SEL1L2: variants seen among roughly 807,000 people sequenced by gnomAD.
SEL1L2 encodes the protein SEL1L2 adaptor subunit of SYVN1 ubiquitin ligase, also known as protein sel-1 homolog 2.
SEL1L2 carries 89 observed loss-of-function variants against 98.8 expected under a neutral mutation model. The observed-to-expected ratio is 0.90, with a 90% CI of 0.76 to 1.07. The LOEUF (loss-of-function observed/expected upper bound fraction) is 1.07. Among genes scored for constraint, SEL1L2 ranks in the 50% least tolerant of loss-of-function variants. SEL1L2 has a pLI of 0.00. For synonymous variants in SEL1L2, 262 were observed against 278.5 expected (o/e 0.94, Z 0.59); for missense variants, 788 against 812.0 (o/e 0.97, Z 0.36).
In SEL1L2 at chr20:13,870,142, AGG is replaced by A; in HGVS notation, c.1164_1165del (p.Leu389GlufsTer7). On this transcript the variant is annotated frameshift_variant and splice_region_variant, in exon 13 of 20. Transcript: ENST00000284951. LOFTEE classifies it high-confidence loss of function. The stretch of plus-strand genomic sequence containing the variant: ...AGATAATAAAATAATTTAACTTACC[AGG>A]GGAACTCCTTTTCCATGAAAGTAAA... 6.3e-7 allele frequency: 1 copy of A among 1,594,068 alleles called. No homozygotes were observed. Among genetic ancestry groups the A allele is most frequent in the Non-Finnish European group, 8.6e-7 (1 of 1,163,766 alleles).
intron 10 of SEL1L2, among the ~76,000 whole-genome samples, chr20:13,881,995 T>C (rs1170301518): frequency 6.6e-6 from 1 of 152,190 alleles, no homozygotes; most frequent in African/African-American, 2.4e-5. Context: ...GTTTGATCAT[T>C]ACATAATGTA....
chr20:13,981,303 AG>A (rs963960847), intron 1 of SEL1L2, among the ~76,000 whole-genome samples: 1 of 151,814 alleles, frequency 6.6e-6, no homozygotes, highest in Non-Finnish European at 1.5e-5. Context: ...GAGGCTGGGG[AG>A]GGGGGTGTGG....
intron 2 of SEL1L2, among the ~76,000 whole-genome samples, chr20:13,949,965 G>T (rs914545973): frequency 1.3e-5 from 2 of 152,136 alleles, no homozygotes; most frequent in African/African-American, 4.8e-5. Context: ...ATTCATTAAT[G>T]AATGAATGAA....
chr20:13,972,065 A>G (rs2051310154), intron 1 of SEL1L2, among the ~76,000 whole-genome samples: 1 of 152,160 alleles, frequency 6.6e-6, no homozygotes, highest in African/African-American at 2.4e-5. Flanking sequence ...ACACACACAC[A>G]CACGCCCTCT....
intron 1 of SEL1L2, among the ~76,000 whole-genome samples, chr20:13,982,054 T>G (rs1025097488): frequency 2.0e-5 from 3 of 152,184 alleles, no homozygotes; most frequent in Non-Finnish European, 2.9e-5. Flanking sequence ...GGCAACTGCT[T>G]TCTGGACTCT....
At chr20:13,882,212 C>T (rs562391130) in intron 10 of SEL1L2, among the ~76,000 whole-genome samples, 1 of 152,250 alleles carries the variant, frequency 6.6e-6, no homozygotes, top group East Asian at 1.9e-4. Context: ...CAGTAATAGC[C>T]TTTTGGAAAC....
At chr20:13,893,068 G>C (rs1226155125) in intron 5 of SEL1L2, among the ~76,000 whole-genome samples, 3 of 152,086 alleles carry the variant, frequency 2.0e-5, no homozygotes, top group Admixed American at 2.0e-4. Context: ...AGACCACCTG[G>C]TGCCTCCCAA....
rs935111311 is a variant in SEL1L2 at position 13,950,357 on chromosome 20, C to T, written c.114+5719G>A. The stretch of plus-strand genomic sequence containing the variant: ...ATATTTGACCACAATTTTTTAAAGC[C>T]TAATTTCTGAAACAGCTTTGTTCCC... On this transcript the variant is annotated intron_variant, in intron 2 of 19. Coordinates refer to ENST00000284951, the MANE Select transcript of SEL1L2 (RefSeq NM_025229.2). Among the ~76,000 whole-genome samples, 3 of 152,006 alleles carry T rather than the reference C, an allele frequency of 2.0e-5. No homozygotes were observed. In the East Asian group the frequency reaches 5.8e-4, roughly 29 times the overall value.
At chr20:13,921,257 C>G (rs2048654801) in intron 3 of SEL1L2, among the ~76,000 whole-genome samples, 2 of 152,182 alleles carry the variant, frequency 1.3e-5, no homozygotes, top group Admixed American at 6.5e-5. Context: ...ACTGCAACCT[C>G]CACCTCCTGG....
intron 2 of SEL1L2, among the ~76,000 whole-genome samples, chr20:13,945,456 A>T (rs771006661): frequency 6.6e-6 from 1 of 151,346 alleles, no homozygotes; most frequent in African/African-American, 2.4e-5. Context: ...ATTTTACATT[A>T]TTACACACTA....
upstream of SEL1L2, among the ~76,000 whole-genome samples, chr20:13,991,998 A>G (rs1358627054): frequency 6.6e-6 from 1 of 151,964 alleles, no homozygotes; most frequent in Non-Finnish European, 1.5e-5. Context: ...ACAGAGTGAG[A>G]CTCCATCTCA....
chr20:13,867,616 A>G (rs1467438806), intron 14 of SEL1L2, among the ~76,000 whole-genome samples: 1 of 152,148 alleles, frequency 6.6e-6, no homozygotes, highest in African/African-American at 2.4e-5. Context: ...CAACCACAAC[A>G]TTGGCTTAGT....
chr20:13,928,922 T>C (rs1210395085), intron 3 of SEL1L2, among the ~76,000 whole-genome samples: 1 of 152,212 alleles, frequency 6.6e-6, no homozygotes, highest in Non-Finnish European at 1.5e-5. Flanking sequence ...ATGTGTCAGT[T>C]TGGCTTGGCT....
intron 9 of SEL1L2, among the ~76,000 whole-genome samples, chr20:13,885,961 C>T (rs1423270108): frequency 6.6e-6 from 1 of 151,396 alleles, no homozygotes; most frequent in Admixed American, 6.6e-5. Flanking sequence ...GGTGTGAACT[C>T]GGGAGGCGGA....
intron 2 of SEL1L2, 116 bp from the exon 3 acceptor site, chr20:13,931,887 C>T: frequency 1.3e-6 from 1 of 770,196 alleles, no homozygotes; most frequent in Non-Finnish European, 1.9e-6. Context: ...AATGCAATTA[C>T]TCTAATTCTT....
At chr20:13,903,735 C>T (rs977218739) in intron 5 of SEL1L2, among the ~76,000 whole-genome samples, 7 of 151,836 alleles carry the variant, frequency 4.6e-5, no homozygotes, top group African/African-American at 7.2e-5. Flanking sequence ...CACTTGAACC[C>T]GGGGGGGAGA....
At chr20:13,991,517 A>G (rs533431671), upstream of SEL1L2, among the ~76,000 whole-genome samples, 1 of 152,262 alleles carries the variant, frequency 6.6e-6, no homozygotes, top group Non-Finnish European at 1.5e-5. Flanking sequence ...TTGGCCTGGA[A>G]TTTTTCAGCT....
In SEL1L2 at chr20:13,881,158, C is replaced by T. The variant is rs192251395; in HGVS notation, c.958-3570G>A. On this transcript the variant is annotated intron_variant, in intron 10 of 19. Coordinates refer to ENST00000284951, the MANE Select transcript of SEL1L2 (RefSeq NM_025229.2). ...CCTCCTGAGTGGCTGGGACTACAGG[C>T]GTGCACCACCATGCCCAGCTAATTT... Among the ~76,000 whole-genome samples, 252 of 152,234 alleles carry T rather than the reference C, an allele frequency of 1.7e-3. 1 individual carries two copies. The highest frequency in any genetic ancestry group is 5.9e-3 in the African/African-American group (247 of 41,554).
chr20:13,963,856 T>A (rs1444274917), intron 1 of SEL1L2, among the ~76,000 whole-genome samples: 5 of 152,278 alleles, frequency 3.3e-5, no homozygotes, highest in Non-Finnish European at 7.4e-5. Flanking sequence ...GCAGTCCACC[T>A]TCTATATGCC....
Sources: gnomAD v4.1 joint callset for allele counts (sites outside exome capture counted in the v4.1 genomes callset) on GRCh38, gnomAD v4.1.1 for gene constraint, MANE v1.5 for transcripts, NCBI Gene and HGNC (gene_info 2026-07-23, HGNC 2026-07-21) for gene names.